The following VAT1L variants were observed in gnomAD, a reference collection of about 807,000 sequenced individuals.
VAT1L encodes vesicle amine transport 1 like, also known as putative NADPH-dependent quinone oxidoreductase VAT1L.
VAT1L carries 34 observed loss-of-function variants against 44.1 expected under a neutral mutation model. That is an observed-to-expected ratio of 0.77 (90% CI 0.59 to 1.03). VAT1L has a LOEUF of 1.03. VAT1L is among the 50% of genes least tolerant of loss of function. VAT1L has a pLI of 0.00. For synonymous variants in VAT1L, 253 were observed against 202.2 expected, an observed-to-expected ratio of 1.25 and a Z score of -2.13; for missense variants, 615 against 538.8, an observed-to-expected ratio of 1.14 and a Z score of -1.40.
intron 3 of VAT1L, among the ~76,000 whole-genome samples, chr16:77,854,571 C>G (rs1035943706): frequency 6.6e-6 from 1 of 152,186 alleles, no homozygotes; most frequent in Non-Finnish European, 1.5e-5. Flanking sequence ...GTAAGTATGG[C>G]TCATGCATCC....
chr16:77,942,720 TTTG>T (rs569987007), intron 7 of VAT1L, among the ~76,000 whole-genome samples: 5 of 152,184 alleles, frequency 3.3e-5, no homozygotes, highest in South Asian at 4.2e-4. Context: ...CACCCTGTTT[TTTG>T]TTGTTGTTGT....
chr16:77,951,838 A>AT (rs1324016039), intron 7 of VAT1L, among the ~76,000 whole-genome samples: 10 of 20,278 alleles, frequency 4.9e-4, no homozygotes, highest in Middle Eastern at 0.036. Flanking sequence ...AAAGTTTAAA[A>AT]TTAAAAAAAA....
intron 3 of VAT1L, among the ~76,000 whole-genome samples, chr16:77,861,492 T>C (rs908707529): frequency 3.3e-5 from 5 of 152,260 alleles, no homozygotes; most frequent in African/African-American, 9.6e-5. Context: ...CTTCTCTATA[T>C]GCCTGGACAT....
intron 7 of VAT1L, among the ~76,000 whole-genome samples, chr16:77,967,089 G>A (rs934829406): frequency 2.6e-5 from 4 of 152,068 alleles, no homozygotes; most frequent in Non-Finnish European, 5.9e-5. Flanking sequence ...ACTTATAAAC[G>A]GTAATTTGGG....
In VAT1L at chr16:77,788,633, C is replaced by T. The variant is rs1000119770; in HGVS notation, c.-50C>T. 3.1e-5 allele frequency: 48 copies of T among 1,537,660 alleles called. No homozygotes were observed. The highest frequency in any genetic ancestry group is 3.9e-5 in the Non-Finnish European group (44 of 1,140,452). On this transcript the variant is annotated 5_prime_UTR_variant, in exon 1 of 9. Transcript: ENST00000302536. ...GAGAGGAGCCCCACTCCCCCAGCGC[C>T]GCAGCCACCGCAGCCACCGCAGCCC...
At chr16:77,870,840 C>G (rs1327190979) in intron 4 of VAT1L, among the ~76,000 whole-genome samples, 1 of 152,162 alleles carries the variant, frequency 6.6e-6, no homozygotes, top group African/African-American at 2.4e-5. Flanking sequence ...TGAAGATGGT[C>G]TTTGTTCCTC....
intron 1 of VAT1L, among the ~76,000 whole-genome samples, chr16:77,807,178 C>G (rs967875146): frequency 4.6e-5 from 7 of 152,070 alleles, no homozygotes; most frequent in Non-Finnish European, 1.0e-4. Flanking sequence ...GGGAATAAAC[C>G]CTGAAAGGAG....
intron 7 of VAT1L, among the ~76,000 whole-genome samples, chr16:77,906,948 G>C (rs2017443714): frequency 6.6e-6 from 1 of 152,122 alleles, no homozygotes; most frequent in Non-Finnish European, 1.5e-5. Context: ...TCAATACAGT[G>C]GATTCAATTT....
At chr16:77,959,176 C>T (rs74970630) in intron 7 of VAT1L, among the ~76,000 whole-genome samples, 13,399 of 152,204 alleles carry the variant, frequency 0.088, 682 homozygotes, top group African/African-American at 0.13. Context: ...ACCCAACATG[C>T]AGCTGCTCTA....
intron 3 of VAT1L, 119 bp downstream of exon 3, chr16:77,825,580 G>A: frequency 2.5e-6 from 3 of 1,186,194 alleles, no homozygotes; most frequent in Non-Finnish European, 3.6e-6. Context: ...TATGGTTCTG[G>A]TAGAGTTCAC....
rs149007716 is a variant in VAT1L at position 77,811,687 on chromosome 16, T to C, written c.234-5234T>C. Among the ~76,000 whole-genome samples the C allele has an allele frequency of 1.3e-3, 195 of 152,240 alleles. 1 individual carries two copies. Among genetic ancestry groups the C allele is most frequent in the African/African-American group, 4.6e-3 (193 of 41,534 alleles). ...TGTAGCAGTATCATCACGGGAGCAA[T>C]GTTTGTTGACTTTGGCAAGACAAAA... On this transcript the variant is annotated intron_variant, in intron 1 of 8. Coordinates refer to ENST00000302536, the MANE Select transcript of VAT1L (RefSeq NM_020927.3).
intron 8 of VAT1L, among the ~76,000 whole-genome samples, chr16:77,972,502 C>T (rs2018291074): frequency 6.6e-6 from 1 of 152,094 alleles, no homozygotes; most frequent in Admixed American, 6.5e-5. Flanking sequence ...TATTATTGGC[C>T]AGGGGAGGTG....
intron 1 of VAT1L, among the ~76,000 whole-genome samples, chr16:77,805,865 C>CTTTTTTTTTTTTTTCTTTTTTTTTTTT (rs2016147750): frequency 1.3e-5 from 1 of 78,838 alleles, no homozygotes; most frequent in Non-Finnish European, 2.8e-5. Flanking sequence ...TAGTCTCTGC[C>CTTTTTTTTTTTTTTCTTTTTTTTTTTT]TTTTTTTTTT....
chr16:77,794,390 G>A (rs2015890718), intron 1 of VAT1L, among the ~76,000 whole-genome samples: 1 of 152,190 alleles, frequency 6.6e-6, no homozygotes, highest in African/African-American at 2.4e-5. Context: ...TCTAGATGGA[G>A]TTACTATGAC....
intron 6 of VAT1L, among the ~76,000 whole-genome samples, chr16:77,881,295 T>C (rs2017152357): frequency 6.6e-6 from 1 of 152,210 alleles, no homozygotes; most frequent in Non-Finnish European, 1.5e-5. Flanking sequence ...CTGTTTGTGG[T>C]ATTGTGCCAA....
chr16:77,943,517 A>T (rs1016641327), intron 7 of VAT1L, among the ~76,000 whole-genome samples: 3 of 151,228 alleles, frequency 2.0e-5, no homozygotes, highest in Non-Finnish European at 4.4e-5. Flanking sequence ...CTCCTGCCTA[A>T]GCCTCCCTAG....
At chr16:77,859,194 G>A (rs1443230114) in intron 3 of VAT1L, among the ~76,000 whole-genome samples, 1 of 151,988 alleles carries the variant, frequency 6.6e-6, no homozygotes, top group Non-Finnish European at 1.5e-5. Context: ...CAGCTACTGG[G>A]GAGGCTGACG....
At chr16:77,973,147 T>C (rs1189183612) in intron 8 of VAT1L, among the ~76,000 whole-genome samples, 1 of 152,204 alleles carries the variant, frequency 6.6e-6, no homozygotes, top group East Asian at 1.9e-4. Context: ...ACTGCATGGA[T>C]TCAAAACCTT....
Position 77,884,520 on chromosome 16 carries a change from G to A in VAT1L, c.883-88G>A, listed in dbSNP as rs2017188856. The A allele has an allele frequency of 2.2e-6, 3 of 1,374,762 alleles. No individual in the cohort carries two copies. Among genetic ancestry groups the A allele is most frequent in the Non-Finnish European group, 2.0e-6 (2 of 1,008,544 alleles). The allele number at this position is 1,374,762 out of a possible 1,614,324, so 85.2% of individuals were successfully genotyped here. The stretch of plus-strand genomic sequence containing the variant: ...TGAGCTGCAGCCCCACGTTCCCCCT[G>A]TAGTAGCTGATGACATCAGCAATGC... On this transcript the variant is annotated intron_variant, in intron 6 of 8. Coordinates refer to ENST00000302536, the MANE Select transcript of VAT1L (RefSeq NM_020927.3). This position sits in a 1 kb window ranked among gnomAD's most constrained non-coding sequence, Gnocchi z 4.5.
Sources: gnomAD v4.1 joint callset for allele counts (sites outside exome capture counted in the v4.1 genomes callset) on GRCh38, gnomAD v4.1.1 for gene constraint, Gnocchi (gnomAD v3.1) non-coding constraint, MANE v1.5 for transcripts, NCBI Gene and HGNC (gene_info 2026-07-23, HGNC 2026-07-21) for gene names.